Variants in DNAH3 observed in about 807,000 individuals in gnomAD.
DNAH3 encodes the protein axonemal beta dynein heavy chain 3.
A neutral mutation model predicts 432.5 loss-of-function variants in DNAH3; 332 were observed. The observed-to-expected ratio is 0.77, with a 90% CI of 0.70 to 0.84. DNAH3 has a LOEUF of 0.84. Among genes scored for constraint, DNAH3 ranks in the 40% least tolerant of loss-of-function variants. DNAH3 has a pLI of 0.00. For missense variants in DNAH3, 4,861 were observed against 5,114.0 expected (o/e 0.95, Z 1.51); for synonymous variants, 1,956 against 1,900.2 (o/e 1.03, Z -0.76).
intron 18 of DNAH3, among the ~76,000 whole-genome samples, chr16:21,092,347 G>A (rs894049708): frequency 6.6e-6 from 1 of 151,974 alleles, no homozygotes; most frequent in Non-Finnish European, 1.5e-5. Context: ...TGATAAAAGA[G>A]CAAAGGCAAT....
chr16:20,962,634 C>T (rs550156362), intron 53 of DNAH3, among the ~76,000 whole-genome samples: 12 of 152,164 alleles, frequency 7.9e-5, no homozygotes, highest in Non-Finnish European at 1.6e-4. Flanking sequence ...TGGAATCATC[C>T]GAGCTGAATC....
chr16:21,008,810 A>C (rs575508249), intron 41 of DNAH3, among the ~76,000 whole-genome samples: 5 of 152,300 alleles, frequency 3.3e-5, no homozygotes, highest in African/African-American at 1.2e-4. Flanking sequence ...GCCAGGCCAG[A>C]ATCTTGTTTT....
At chr16:21,159,353 T>C (rs142562503) in exon 1 of DNAH3, 1 of 1,614,006 alleles carries the variant, frequency 6.2e-7, no homozygotes, top group African/African-American at 1.3e-5. Flanking sequence ...CTCCTCTCCT[T>C]GGGTCTCCCT....
chr16:21,003,511 G>C (rs993817082), intron 41 of DNAH3, among the ~76,000 whole-genome samples: 2 of 152,060 alleles, frequency 1.3e-5, no homozygotes, highest in Non-Finnish European at 2.9e-5. Context: ...AGTGGCTCAC[G>C]CCTGTAATCA....
intron 44 of DNAH3, among the ~76,000 whole-genome samples, chr16:20,989,107 C>A: frequency 6.6e-6 from 1 of 152,178 alleles, no homozygotes; most frequent in Non-Finnish European, 1.5e-5. Context: ...GAGACCCGAG[C>A]GGGTTACCAC....
In DNAH3 at chr16:20,990,237, T is replaced by C. The variant is rs149816179; in HGVS notation, c.6602-2172A>G. Among the ~76,000 whole-genome samples the C allele has an allele frequency of 1.4e-3, 216 of 152,346 alleles. 2 individuals are homozygous for C. Among genetic ancestry groups the C allele is most frequent in the African/African-American group, 4.9e-3 (204 of 41,594 alleles). On this transcript the variant is annotated intron_variant, in intron 44 of 61. Coordinates refer to ENST00000261383, the Ensembl canonical transcript of DNAH3. ...ACTTACCTTATACGCGCCAAATCCA[T>C]TCTCCCCTGCTAATTTGGTATCCTT...
chr16:21,042,742 A>G (rs1328400897), intron 31 of DNAH3, among the ~76,000 whole-genome samples: 1 of 152,018 alleles, frequency 6.6e-6, no homozygotes, highest in African/African-American at 2.4e-5. Context: ...ACATATATAT[A>G]CATGTGCCAT....
At chr16:20,941,484 C>T (rs1376182613) in exon 59 of DNAH3, 18 of 1,613,942 alleles carry the variant, frequency 1.1e-5, no homozygotes, top group Admixed American at 1.7e-5. Flanking sequence ...TGACCTCTTC[C>T]AGGTCAAAGT....
chr16:20,963,406 G>A, exon 53 of DNAH3: 1 of 1,614,130 alleles, frequency 6.2e-7, no homozygotes, highest in Non-Finnish European at 8.5e-7. Flanking sequence ...CATATGTTCA[G>A]CAATGAACTC....
At chr16:21,007,649 A>G (rs1408387720) in intron 41 of DNAH3, among the ~76,000 whole-genome samples, 1 of 152,106 alleles carries the variant, frequency 6.6e-6, no homozygotes, top group Non-Finnish European at 1.5e-5. Context: ...AATTTCACCC[A>G]TTCTGTGGGA....
intron 1 of DNAH3, among the ~76,000 whole-genome samples, chr16:21,153,080 G>C (rs1834273943): frequency 6.6e-6 from 1 of 152,346 alleles, no homozygotes; most frequent in South Asian, 2.1e-4. Flanking sequence ...TGGGGACGTG[G>C]AGAACCTTTA....
At chr16:21,106,798 T>A in intron 14 of DNAH3, 124 bp from the exon 15 acceptor site, 1 of 821,448 alleles carries the variant, frequency 1.2e-6, no homozygotes, top group Non-Finnish European at 1.7e-6. Context: ...AAAGAAAATT[T>A]TTTTTTAATT....
At chr16:21,104,794 G>A (rs557984647) in intron 15 of DNAH3, among the ~76,000 whole-genome samples, 200 bp from the exon 16 acceptor site, 1 of 152,270 alleles carries the variant, frequency 6.6e-6, no homozygotes, top group East Asian at 1.9e-4. Flanking sequence ...ATCCTTGTTT[G>A]CACAGATGGC....
At chr16:21,131,427 A>AAAAGAAAGGAAGAAAGAAAGAAGG (rs2092555090) in intron 7 of DNAH3, among the ~76,000 whole-genome samples, 4 of 149,230 alleles carry the variant, frequency 2.7e-5, no homozygotes, top group African/African-American at 7.4e-5. Context: ...AAGAAAGAAG[A>AAAAGAAAGGAAGAAAGAAAGAAGG]AAAGAAAGGA....
At chr16:21,069,387 T>TA in intron 23 of DNAH3, 28 bp downstream of exon 23, 1 of 1,590,210 alleles carries the variant, frequency 6.3e-7, no homozygotes, top group South Asian at 1.1e-5. Context: ...TTTCTGCTGG[T>TA]AAGAGTTATT....
exon 8 of DNAH3, chr16:21,127,759 G>A: frequency 6.2e-7 from 1 of 1,614,128 alleles, no homozygotes; most frequent in Non-Finnish European, 8.5e-7. Flanking sequence ...AGGCTGCAGA[G>A]GCAATTTTCC....
intron 31 of DNAH3, 45 bp from the exon 32 acceptor site, chr16:21,042,248 G>A (rs2089476982): frequency 1.3e-6 from 2 of 1,537,974 alleles, no homozygotes; most frequent in South Asian, 1.3e-5. Flanking sequence ...GCTTCTGTCT[G>A]ACAACCACCC....
intron 16 of DNAH3, chr16:21,104,182 G>T: frequency 3.5e-6 from 1 of 286,892 alleles, no homozygotes; most frequent in Non-Finnish European, 6.7e-6. Flanking sequence ...TGGGGAGGCC[G>T]TTATAACATG....
rs766623035 is a variant in DNAH3 at position 21,120,793 on chromosome 16, T to G, written c.1646A>C (p.Lys549Thr). 3.7e-6 allele frequency: 6 copies of G among 1,614,200 alleles called. 1 individual carries two copies. In the South Asian group the frequency reaches 6.6e-5, roughly 18 times the overall value. ...GCTGGGCTCTCCTGGCTCAGCTGCT[T>G]TCACACATTGCCGATCAGCAGCAGC... The change falls in exon 11 of 62, where the codon AAA becomes ACA. Residue 549 changes from lysine to threonine, a missense_variant. Transcript: ENST00000261383.
Sources: gnomAD v4.1 joint callset for allele counts (sites outside exome capture counted in the v4.1 genomes callset) on GRCh38, gnomAD v4.1.1 for gene constraint, MANE v1.5 for transcripts, NCBI Gene and HGNC (gene_info 2026-07-23, HGNC 2026-07-21) for gene names.